The following B3GAT2 variants were observed in gnomAD, a reference collection of about 807,000 sequenced individuals.
B3GAT2 encodes the protein galactosylgalactosylxylosylprotein 3-beta-glucuronosyltransferase 2.
A neutral mutation model predicts 27.8 loss-of-function variants in B3GAT2; 26 were observed. The ratio of observed to expected loss-of-function variants is 0.93; its 90% CI spans 0.68 to 1.30. The LOEUF is 1.30. B3GAT2 is among the 50% of genes most tolerant of loss of function. The pLI, the probability that B3GAT2 is intolerant of heterozygous loss-of-function variation, is 0.00. For missense variants in B3GAT2, 458 were observed against 459.0 expected (o/e 1.00, Z 0.02); for synonymous variants, 218 against 195.1 (o/e 1.12, Z -0.98).
At chr6:70,899,719 G>A (rs770355338) in intron 1 of B3GAT2, among the ~76,000 whole-genome samples, 3 of 152,086 alleles carry the variant, frequency 2.0e-5, no homozygotes, top group Admixed American at 6.5e-5. Context: ...AAAGGAAAAC[G>A]GCACAGCTAT....
At position 70,859,425 on chromosome 6, in the gene B3GAT2, A is replaced by T; in HGVS notation, c.*2238T>A. The T allele has an allele frequency of 1.3e-6, 2 of 1,523,794 alleles. No individual in the cohort carries two copies. Among genetic ancestry groups the T allele is most frequent in the Non-Finnish European group, 1.8e-6 (2 of 1,125,602 alleles). 94.4% of individuals were successfully genotyped at this position (1,523,794 alleles called of 1,614,324 possible). On this transcript the variant is annotated 3_prime_UTR_variant, in exon 4 of 4. Transcript: ENST00000230053. ...AAAATGTCCTTTAGTAGGTATGAAG[A>T]CGTGATCTGCTTCTTCAGACACTTA...
At chr6:70,918,559 T>A (rs1052682375) in intron 1 of B3GAT2, among the ~76,000 whole-genome samples, 4 of 152,222 alleles carry the variant, frequency 2.6e-5, no homozygotes, top group African/African-American at 9.6e-5. Context: ...TGTTTAGTTC[T>A]TCCTTCAGGA....
chr6:70,909,522 G>C (rs974411358), intron 1 of B3GAT2, among the ~76,000 whole-genome samples: 1 of 152,312 alleles, frequency 6.6e-6, no homozygotes, highest in East Asian at 1.9e-4. Flanking sequence ...AACTCTGGAT[G>C]TATTACTTAC....
intron 2 of B3GAT2, 32 bp downstream of exon 2, chr6:70,894,096 C>T: frequency 1.9e-6 from 3 of 1,574,990 alleles, no homozygotes; most frequent in Non-Finnish European, 2.6e-6. Context: ...AACAGTCCAG[C>T]AGGAACAAAT....
intron 2 of B3GAT2, among the ~76,000 whole-genome samples, chr6:70,878,407 C>T (rs1407127616): frequency 6.6e-6 from 1 of 151,202 alleles, no homozygotes; most frequent in Non-Finnish European, 1.5e-5. Flanking sequence ...CAAAATGTTC[C>T]TCTCCTTCTC....
chr6:70,928,663 A>G (rs554668298), intron 1 of B3GAT2, among the ~76,000 whole-genome samples: 3 of 152,336 alleles, frequency 2.0e-5, no homozygotes, highest in East Asian at 3.9e-4. Context: ...GAATAGACCA[A>G]TAACAGGCTC....
At chr6:70,919,503 C>T (rs1213664804) in intron 1 of B3GAT2, among the ~76,000 whole-genome samples, 2 of 152,126 alleles carry the variant, frequency 1.3e-5, no homozygotes, top group African/African-American at 2.4e-5. Context: ...AATTTTCAGC[C>T]TTTCTTCTCT....
intron 1 of B3GAT2, among the ~76,000 whole-genome samples, chr6:70,940,331 G>A (rs1237306722): frequency 6.6e-6 from 1 of 152,110 alleles, no homozygotes; most frequent in African/African-American, 2.4e-5. Context: ...GCCCAGCAAG[G>A]GGCTCAGTGT....
chr6:70,926,081 C>A (rs996254724), intron 1 of B3GAT2, among the ~76,000 whole-genome samples: 5 of 152,162 alleles, frequency 3.3e-5, no homozygotes, highest in African/African-American at 1.2e-4. Context: ...AGCTGAGGGT[C>A]CTGAATGTTA....
In B3GAT2 at chr6:70,857,738, G is replaced by A; in HGVS notation, c.*3925C>T. The A allele has an allele frequency of 1.7e-6, 1 of 602,618 alleles. No individual in the cohort carries two copies. The highest frequency in any genetic ancestry group is 2.9e-6 in the Non-Finnish European group (1 of 342,622). The allele number at this position is 602,618 out of a possible 1,614,324, so 37.3% of individuals were successfully genotyped here. ...ACTCAGGTTAATAACTGATTTGTCT[G>A]CATCCTAGAAACAACCAGCTCTCAG... On this transcript the variant is annotated 3_prime_UTR_variant, in exon 4 of 4. Transcript: ENST00000230053.
At chr6:70,949,686 CA>C (rs1387089481) in intron 1 of B3GAT2, among the ~76,000 whole-genome samples, 1 of 151,674 alleles carries the variant, frequency 6.6e-6, no homozygotes, top group African/African-American at 2.4e-5. Context: ...TCATTTGATC[CA>C]GCCATCCCAT....
intron 1 of B3GAT2, among the ~76,000 whole-genome samples, chr6:70,939,307 A>C (rs2150048779): frequency 9.0e-6 from 1 of 111,346 alleles, no homozygotes; most frequent in Middle Eastern, 4.0e-3. Flanking sequence ...TGGGACTGTA[A>C]ACTAGTAAAA....
intron 1 of B3GAT2, among the ~76,000 whole-genome samples, chr6:70,919,921 A>G (rs1368863614): frequency 6.6e-6 from 1 of 152,100 alleles, no homozygotes; most frequent in African/African-American, 2.4e-5. Flanking sequence ...TGGGAGAACC[A>G]CTGCTTTCTT....
At chr6:70,896,521 C>CT (rs1772389716) in intron 1 of B3GAT2, among the ~76,000 whole-genome samples, 1 of 152,176 alleles carries the variant, frequency 6.6e-6, no homozygotes, top group African/African-American at 2.4e-5. Flanking sequence ...TTTCCTTGTG[C>CT]TTTTAATCCA....
At chr6:70,889,512 G>A (rs1027030977) in intron 2 of B3GAT2, among the ~76,000 whole-genome samples, 10 of 152,118 alleles carry the variant, frequency 6.6e-5, no homozygotes, top group Admixed American at 1.3e-4. Flanking sequence ...GTGATAGGCC[G>A]TAGGCGAGGA....
intron 2 of B3GAT2, among the ~76,000 whole-genome samples, chr6:70,867,620 T>C (rs190672599): frequency 1.2e-3 from 184 of 152,162 alleles, no homozygotes; most frequent in Non-Finnish European, 2.2e-3. Flanking sequence ...CATGAAGAAA[T>C]AGATAATGTG....
At chr6:70,954,915 C>CGGGGGGGGGGGGGGGGGGGG (rs111472599) in intron 1 of B3GAT2, among the ~76,000 whole-genome samples, 1 of 114,958 alleles carries the variant, frequency 8.7e-6, no homozygotes, top group Admixed American at 8.7e-5. Context: ...CCGGGGGCGG[C>CGGGGGGGGGGGGGGGGGGGG]GGGGGGGGGC....
chr6:70,929,662 G>A (rs1216666608), intron 1 of B3GAT2, among the ~76,000 whole-genome samples: 1 of 152,162 alleles, frequency 6.6e-6, no homozygotes, highest in South Asian at 2.1e-4. Flanking sequence ...TCTTCAAGGA[G>A]AACTACAAAC....
chr6:70,918,972 T>C (rs1772822687), intron 1 of B3GAT2, among the ~76,000 whole-genome samples: 1 of 152,244 alleles, frequency 6.6e-6, no homozygotes, highest in Non-Finnish European at 1.5e-5. Flanking sequence ...TTCTCCTGCA[T>C]AATATCCTGA....
Sources: allele counts gnomAD v4.1 joint callset (sites outside exome capture counted in the v4.1 genomes callset), GRCh38; gene constraint gnomAD v4.1.1; transcripts MANE v1.5; gene names NCBI Gene and HGNC (gene_info 2026-07-23, HGNC 2026-07-21).